The following CILK1 variants were observed in gnomAD, a reference collection of about 807,000 sequenced individuals.
The protein encoded by CILK1 is serine/threonine-protein kinase ICK.
Under a neutral mutation model 79.2 loss-of-function variants are expected in CILK1, and 47 were observed. That is an observed-to-expected ratio of 0.59 (90% CI 0.47 to 0.76). The LOEUF (loss-of-function observed/expected upper bound fraction) is 0.76. Among genes scored for constraint, CILK1 ranks in the 30% least tolerant of loss-of-function variants. CILK1 has a pLI of 0.00. For synonymous variants in CILK1, 266 were observed against 275.9 expected (o/e 0.96, Z 0.36); for missense variants, 660 against 769.5 (o/e 0.86, Z 1.68).
At chr6:53,049,589 TGA>T (rs1767339917) in intron 1 of CILK1, among the ~76,000 whole-genome samples, 1 of 152,170 alleles carries the variant, frequency 6.6e-6, no homozygotes, top group Admixed American at 6.5e-5. Context: ...GTGGGAAACA[TGA>T]AAGGATTCCA....
At chr6:53,022,826 G>T (rs1357619415) in intron 5 of CILK1, among the ~76,000 whole-genome samples, 1 of 152,128 alleles carries the variant, frequency 6.6e-6, no homozygotes, top group South Asian at 2.1e-4. Context: ...CAACAGATTA[G>T]GTTCTAAGGA....
At chr6:53,036,344 T>A (rs1766331777) in intron 3 of CILK1, among the ~76,000 whole-genome samples, 1 of 152,154 alleles carries the variant, frequency 6.6e-6, no homozygotes, top group Non-Finnish European at 1.5e-5. Context: ...AGAACAGAGG[T>A]TGGCAAACTA....
chr6:53,034,590 T>C (rs1766186082), intron 3 of CILK1, among the ~76,000 whole-genome samples: 1 of 152,168 alleles, frequency 6.6e-6, no homozygotes, highest in South Asian at 2.1e-4. Flanking sequence ...ATTACCAATG[T>C]TGTCCACATC....
At chr6:53,022,358 T>G in intron 5 of CILK1, among the ~76,000 whole-genome samples, 1 of 152,328 alleles carries the variant, frequency 6.6e-6, no homozygotes, top group Middle Eastern at 3.4e-3. Context: ...TAAAAAAATT[T>G]TTTATACTAT....
At position 53,004,577 on chromosome 6, in the gene CILK1, CA is replaced by C; in HGVS notation, c.*571del. 1 of 153,308 alleles carries C rather than the reference CA, an allele frequency of 6.5e-6. No homozygotes were observed. Among genetic ancestry groups the C allele is most frequent in the East Asian group, 1.9e-4 (1 of 5,186 alleles). The allele number at this position is 153,308 out of a possible 1,614,324, so 9.5% of individuals were successfully genotyped here. On this transcript the variant is annotated 3_prime_UTR_variant, in exon 14 of 14. Transcript: ENST00000676107. ...CCTTTTAGAACAGCAGAGTGGTATC[CA>C]AAAATCAAACCAATGACCTACTAAG...
intron 1 of CILK1, among the ~76,000 whole-genome samples, chr6:53,054,171 C>A (rs935386093): frequency 1.3e-5 from 2 of 152,118 alleles, no homozygotes; most frequent in Non-Finnish European, 2.9e-5. Flanking sequence ...CCTTCTCTTT[C>A]GAGCTCACAT....
At chr6:53,030,139 G>GT (rs11390231) in intron 5 of CILK1, among the ~76,000 whole-genome samples, 1,845 of 152,314 alleles carry the variant, frequency 0.012, 38 homozygotes, top group African/African-American at 0.041. Flanking sequence ...TTCCAGAATG[G>GT]TATGTGGTCA....
chr6:53,041,898 ATTACC>A (rs1286171562), intron 1 of CILK1, among the ~76,000 whole-genome samples: 1 of 152,050 alleles, frequency 6.6e-6, no homozygotes, highest in Admixed American at 6.5e-5. Flanking sequence ...TAGGTAAATA[ATTACC>A]TTACCTTTTT....
At chr6:53,006,463 TTATTACAAAGACATG>T (rs1321425822) in intron 12 of CILK1, 26 bp from the exon 13 acceptor site, 1 of 1,611,196 alleles carries the variant, frequency 6.2e-7, no homozygotes, top group Non-Finnish European at 8.5e-7. Flanking sequence ...AAAAAGCTCA[TTATTACAAAGACATG>T]TACCCAGGAC....
chr6:53,052,817 C>T (rs1767575081), intron 1 of CILK1, among the ~76,000 whole-genome samples: 1 of 151,748 alleles, frequency 6.6e-6, no homozygotes, highest in Admixed American at 6.6e-5. Context: ...AAGGTCTAAC[C>T]ACCTGGGGTC....
At chr6:53,044,395 G>T (rs1766920320) in intron 1 of CILK1, among the ~76,000 whole-genome samples, 2 of 152,194 alleles carry the variant, frequency 1.3e-5, no homozygotes, top group Admixed American at 1.3e-4. Context: ...ACCATGGACA[G>T]TAGATTAGAT....
In CILK1 at chr6:53,011,921, A is replaced by T. The variant is rs370955882; in HGVS notation, c.1344-4T>A. 5.6e-6 allele frequency: 9 copies of T among 1,614,062 alleles called. No individual in the cohort carries two copies. The highest frequency in any genetic ancestry group is 1.6e-4 in the Middle Eastern group (1 of 6,084). ...CAGGTCCAAAACACTCTCAAACCTG[A>T]ATGAAGAGAGCATGGCTTGGGTCAG... On this transcript the variant is annotated splice_polypyrimidine_tract_variant and splice_region_variant and intron_variant, in intron 10 of 13. Coordinates refer to ENST00000676107, the MANE Select transcript of CILK1 (RefSeq NM_014920.5).
intron 12 of CILK1, among the ~76,000 whole-genome samples, chr6:53,007,956 T>A (rs911496313): frequency 1.3e-5 from 2 of 149,890 alleles, no homozygotes; most frequent in African/African-American, 2.5e-5. Flanking sequence ...AATAAATAAA[T>A]AAAAATAAAT....
intron 11 of CILK1, 101 bp from the exon 12 acceptor site, chr6:53,009,668 T>G: frequency 9.8e-7 from 1 of 1,018,768 alleles, no homozygotes; most frequent in East Asian, 2.5e-5. Context: ...TCAAAAACTC[T>G]CTATGATACA....
intron 2 of CILK1, among the ~76,000 whole-genome samples, chr6:53,038,874 T>A (rs1766522723): frequency 6.6e-6 from 1 of 152,172 alleles, no homozygotes; most frequent in Admixed American, 6.5e-5. Context: ...AAAAGAAAAC[T>A]CCAGAGTTAA....
At chr6:53,023,858 T>G (rs1190973406) in intron 5 of CILK1, among the ~76,000 whole-genome samples, 1 of 152,154 alleles carries the variant, frequency 6.6e-6, no homozygotes, top group African/African-American at 2.4e-5. Flanking sequence ...GTAGGAGAAG[T>G]AGCTGGCATA....
Position 53,041,126 on chromosome 6 carries a change from TCAAACTTACTTTTTAATAG to T in CILK1, c.92_101+9del. 3.2e-6 allele frequency: 5 copies of T among 1,573,802 alleles called. No homozygotes were observed. The highest frequency in any genetic ancestry group is 4.4e-6 in the Non-Finnish European group (5 of 1,143,334). On this transcript the variant is annotated splice_donor_variant and splice_donor_5th_base_variant and coding_sequence_variant and intron_variant, in exon 2 of 14. Transcript: ENST00000676107. LOFTEE classifies it high-confidence loss of function. The stretch of plus-strand genomic sequence containing the variant: ...TTAAAATTATCATGGCAGTGAAGGA[TCAAACTTACTTTTTAATAG>T]CGATCAGCTCCCCAGACTCAATGCT...
intron 5 of CILK1, among the ~76,000 whole-genome samples, chr6:53,029,037 T>C (rs763939725): frequency 1.3e-5 from 2 of 152,080 alleles, no homozygotes; most frequent in Non-Finnish European, 2.9e-5. Flanking sequence ...AGTATCTGGG[T>C]CTAAAGAATA....
chr6:53,018,510 A>G lies in CILK1; in HGVS notation c.492-9T>C. ...CTTCTGGAGCCCTGTACCTGGAGGA[A>G]CAAAGGTTAACTGCTAGCTATTGCT... On this transcript the variant is annotated splice_polypyrimidine_tract_variant and intron_variant, in intron 6 of 13. Coordinates refer to ENST00000676107, the MANE Select transcript of CILK1 (RefSeq NM_014920.5). The G allele has an allele frequency of 6.2e-7, 1 of 1,613,774 alleles. No individual in the cohort carries two copies. The highest frequency in any genetic ancestry group is 1.7e-5 in the Admixed American group (1 of 60,020).
Sources: allele counts gnomAD v4.1 joint callset (sites outside exome capture counted in the v4.1 genomes callset), GRCh38; gene constraint gnomAD v4.1.1; transcripts MANE v1.5; gene names NCBI Gene and HGNC (gene_info 2026-07-23, HGNC 2026-07-21).